MACROD2: variants seen among roughly 807,000 people sequenced by gnomAD.
The protein encoded by MACROD2 is ADP-ribose glycohydrolase MACROD2.
Under a neutral mutation model 70.4 loss-of-function variants are expected in MACROD2, and 36 were observed. The ratio of observed to expected loss-of-function variants is 0.51; its 90% CI spans 0.39 to 0.68. MACROD2 has a LOEUF of 0.68. Among genes scored for constraint, MACROD2 ranks in the 30% least tolerant of loss-of-function variants. The pLI is 0.00. For missense variants in MACROD2, 496 were observed against 538.4 expected (o/e 0.92, Z 0.78); for synonymous variants, 172 against 178.8 (o/e 0.96, Z 0.30).
At chr20:14,882,929 C>T (rs1192252216) in intron 5 of MACROD2, among the ~76,000 whole-genome samples, 1 of 152,168 alleles carries the variant, frequency 6.6e-6, no homozygotes, top group Non-Finnish European at 1.5e-5. Context: ...GAGACACCAA[C>T]ATGCCCTCTT....
At chr20:15,698,332 A>G (rs937202963) in intron 8 of MACROD2, among the ~76,000 whole-genome samples, 2 of 152,080 alleles carry the variant, frequency 1.3e-5, no homozygotes, top group African/African-American at 2.4e-5. Context: ...TTCATATATG[A>G]TGGTTAGTTT....
At chr20:15,815,814 G>A (rs1279651825) in intron 8 of MACROD2, among the ~76,000 whole-genome samples, 1 of 152,078 alleles carries the variant, frequency 6.6e-6, no homozygotes, top group African/African-American at 2.4e-5. Flanking sequence ...CCACTGATAA[G>A]TAAAATGGGA....
At chr20:14,087,109 T>A (rs1241982446) in intron 3 of MACROD2, among the ~76,000 whole-genome samples, 3 of 152,112 alleles carry the variant, frequency 2.0e-5, no homozygotes, top group Non-Finnish European at 2.9e-5. Flanking sequence ...TGGGTATCAG[T>A]TACAGCTGGG....
chr20:14,992,725 T>C (rs1350548304), intron 5 of MACROD2, among the ~76,000 whole-genome samples: 1 of 152,214 alleles, frequency 6.6e-6, no homozygotes, highest in Non-Finnish European at 1.5e-5. Flanking sequence ...TTTAGAACTT[T>C]TAGACATGCA....
chr20:14,212,330 G>A (rs1318682966), intron 3 of MACROD2, among the ~76,000 whole-genome samples: 3 of 152,044 alleles, frequency 2.0e-5, no homozygotes, highest in Admixed American at 6.6e-5. Flanking sequence ...TATATGGAGC[G>A]CAGTTTCACA....
intron 4 of MACROD2, among the ~76,000 whole-genome samples, chr20:14,497,324 A>C (rs887889250): frequency 6.6e-5 from 10 of 151,812 alleles, no homozygotes; most frequent in Non-Finnish European, 8.8e-5. Flanking sequence ...ATACATGTTC[A>C]CCCATCTGTA....
Position 15,379,260 on chromosome 20 carries a change from G to A in MACROD2, c.541-52145G>A, listed in dbSNP as rs542095155. Among the ~76,000 whole-genome samples the A allele has an allele frequency of 4.6e-5, 7 of 152,218 alleles. No individual in the cohort carries two copies. The South Asian group carries it at 1.3e-3, about 27-fold the overall frequency. ...ATAGCATCTTCTCATGAGATGGATAGCATCTTTATATATCTCTGACTTTTC... is the reference window on the plus strand; with the variant it reads ...ATAGCATCTTCTCATGAGATGGATAACATCTTTATATATCTCTGACTTTTC... On this transcript the variant is annotated intron_variant, in intron 6 of 17. Transcript: ENST00000684519.
intron 2 of MACROD2, among the ~76,000 whole-genome samples, chr20:14,043,185 G>A (rs1022046851): frequency 6.6e-6 from 1 of 152,156 alleles, no homozygotes; most frequent in Non-Finnish European, 1.5e-5. Flanking sequence ...CTTCCAAAGT[G>A]CTGGGATTAC....
intron 4 of MACROD2, among the ~76,000 whole-genome samples, chr20:14,670,152 A>G (rs2123558087): frequency 6.6e-6 from 1 of 152,162 alleles, no homozygotes; most frequent in Admixed American, 6.6e-5. Flanking sequence ...ATCTTACAGC[A>G]CCGTTTTCAC....
intron 5 of MACROD2, among the ~76,000 whole-genome samples, chr20:15,099,615 G>C (rs1451580371): frequency 6.6e-6 from 1 of 152,214 alleles, no homozygotes; most frequent in Middle Eastern, 3.4e-3. Flanking sequence ...GACAATAATC[G>C]GTACTGAGAA....
intron 3 of MACROD2, chr20:14,329,366 A>G (rs2082793061): frequency 6.6e-6 from 1 of 152,124 alleles, no homozygotes; most frequent in Admixed American, 6.6e-5. Flanking sequence ...ATTAATAATG[A>G]ACTTTAACAT....
chr20:14,656,565 A>G (rs1219277469), intron 4 of MACROD2, among the ~76,000 whole-genome samples: 2 of 152,224 alleles, frequency 1.3e-5, no homozygotes, highest in Non-Finnish European at 2.9e-5. Context: ...CTGGCAGTGC[A>G]TATAGGCTGA....
chr20:15,770,168 C>T (rs1219633218), intron 8 of MACROD2, among the ~76,000 whole-genome samples: 3 of 144,682 alleles, frequency 2.1e-5, no homozygotes, highest in African/African-American at 5.2e-5. Context: ...GATCATAGCT[C>T]ACAGCAGCCT....
intron 5 of MACROD2, among the ~76,000 whole-genome samples, chr20:14,716,165 G>A (rs1379654307): frequency 1.3e-5 from 2 of 152,128 alleles, no homozygotes; most frequent in Admixed American, 6.5e-5. Context: ...TGCTCTTTTG[G>A]AATTATTTTG....
intron 15 of MACROD2, among the ~76,000 whole-genome samples, chr20:16,022,131 A>G (rs1004988373): frequency 2.7e-5 from 4 of 147,388 alleles, no homozygotes; most frequent in African/African-American, 1.0e-4. Flanking sequence ...GCTCACTGCA[A>G]GCTCTGCCTC....
chr20:14,058,087 C>G (rs1297372917), intron 2 of MACROD2, among the ~76,000 whole-genome samples: 2 of 152,082 alleles, frequency 1.3e-5, no homozygotes, highest in Non-Finnish European at 2.9e-5. Flanking sequence ...TGGTATTGGG[C>G]TTCTAGGTAT....
At position 16,007,965 on chromosome 20, in the gene MACROD2, T is replaced by C. The variant is rs62194206; in HGVS notation, c.1153+20807T>C. ...CACCTTGTTCAACCTCCTGCTGTGA[T>C]GCAGAAAGCCTTGATGATTTCCTTC... On this transcript the variant is annotated intron_variant, in intron 15 of 17. Transcript: ENST00000684519. 8.7e-3 allele frequency among the ~76,000 whole-genome samples: 1,324 copies of C among 152,346 alleles called. 27 individuals carry two copies. The East Asian group carries it at 0.089, about 10-fold the overall frequency.
chr20:15,899,008 GCTAT>G (rs778045469), intron 10 of MACROD2, among the ~76,000 whole-genome samples: 43 of 151,576 alleles, frequency 2.8e-4, no homozygotes, highest in South Asian at 1.0e-3. Context: ...GTAGGTATGT[GCTAT>G]CTATTGTATG....
chr20:15,810,266 G>T (rs1424665615), intron 8 of MACROD2, among the ~76,000 whole-genome samples: 2 of 151,592 alleles, frequency 1.3e-5, no homozygotes, highest in Non-Finnish European at 2.9e-5. Flanking sequence ...GTCTATCATT[G>T]TTGGACATTT....
Sources: allele counts gnomAD v4.1 joint callset (sites outside exome capture counted in the v4.1 genomes callset), GRCh38; gene constraint gnomAD v4.1.1; transcripts MANE v1.5; gene names NCBI Gene and HGNC (gene_info 2026-07-23, HGNC 2026-07-21).